The following CS variants were observed in gnomAD, a reference collection of about 807,000 sequenced individuals.
The protein encoded by CS is citrate synthase.
Under a neutral mutation model 61.4 loss-of-function variants are expected in CS, and 13 were observed. The ratio of observed to expected loss-of-function variants is 0.21; its 90% confidence interval spans 0.14 to 0.34. The LOEUF is 0.34. Among genes scored for constraint, CS ranks in the 10% least tolerant of loss-of-function variants. The pLI, the probability that CS is intolerant of heterozygous loss-of-function variation, is 1.00. For synonymous variants in CS, 159 were observed against 215.2 expected, an observed-to-expected ratio of 0.74 and a Z score of 2.29; for missense variants, 278 against 573.4, an observed-to-expected ratio of 0.48 and a Z score of 5.26.
rs1872817986 is a variant in CS, at chr12:56,282,923, T to C, written c.336A>G (p.Glu112=). 6.2e-7 allele frequency: 1 copy of C among 1,614,176 alleles called. No homozygotes were observed. Among genetic ancestry groups the C allele is most frequent in the Non-Finnish European group, 8.5e-7 (1 of 1,180,034 alleles). ...QKLLPKAKGG[E]EPLPEGLFWL... ...AAAATAAGCCCTCAGGCAGGGGTTC[T>C]TCCCCACCCTTAGCCTTGGGTAGCA... The change falls in exon 5 of 11, where the codon GAA becomes GAG. Residue 112 remains glutamate (E), a synonymous_variant. Coordinates refer to ENST00000351328, the MANE Select transcript of CS (RefSeq NM_004077.3).
intron 1 of CS, among the ~76,000 whole-genome samples, chr12:56,297,729 A>G (rs2135928118): frequency 6.6e-6 from 1 of 152,286 alleles, no homozygotes; most frequent in Non-Finnish European, 1.5e-5. Context: ...TTCTTCTCAG[A>G]AAAGTAAAAC....
At chr12:56,278,827 G>C (rs1308313863) in intron 6 of CS, among the ~76,000 whole-genome samples, 2 of 152,084 alleles carry the variant, frequency 1.3e-5, no homozygotes, top group Non-Finnish European at 2.9e-5. Flanking sequence ...AGGCTGGAGT[G>C]TAGTGGTGCT....
chr12:56,289,110 C>T (rs1873034378), intron 1 of CS, among the ~76,000 whole-genome samples: 1 of 152,184 alleles, frequency 6.6e-6, no homozygotes, highest in South Asian at 2.1e-4. Context: ...AGAGTCTCCT[C>T]TATCTTACTG....
At chr12:56,280,366 G>C (rs1395541746) in intron 6 of CS, among the ~76,000 whole-genome samples, 1 of 142,876 alleles carries the variant, frequency 7.0e-6, no homozygotes, top group Non-Finnish European at 1.5e-5. Context: ...AGTGAGCTGA[G>C]ATCGTGCCAT....
chr12:56,298,064 T>C (rs1592416008), intron 1 of CS, among the ~76,000 whole-genome samples: 1 of 151,766 alleles, frequency 6.6e-6, no homozygotes, highest in East Asian at 1.9e-4. Context: ...AATGGAGCGA[T>C]CTGGGCTCAC....
Position 56,300,272 on chromosome 12 carries a change from G to T in CS, c.-71C>A, listed in dbSNP as rs562141070. On this transcript the variant is annotated 5_prime_UTR_variant, in exon 1 of 11. Coordinates refer to ENST00000351328, the MANE Select transcript of CS (RefSeq NM_004077.3). ...AGCTGCGGCAGGAACAGGAGCCGCC[G>T]CCGCTGCACCAGAGGCCGCGCCGAC... 4.3e-4 allele frequency: 633 copies of T among 1,477,336 alleles called. 6 individuals carry two copies. In the African/African-American group the frequency reaches 8.5e-3, roughly 20 times the overall value. The allele number at this position is 1,477,336 out of a possible 1,614,324, so 91.5% of individuals were successfully genotyped here. A position where few individuals can be genotyped will look rare whatever the true frequency, so the allele number is the denominator to read the frequency against.
At chr12:56,273,929 G>T in intron 9 of CS, 133 bp from the exon 10 acceptor site, 1 of 725,126 alleles carries the variant, frequency 1.4e-6, no homozygotes, top group Non-Finnish European at 2.4e-6. Context: ...GACCTCCCAG[G>T]CTCAGGCAAT....
At chr12:56,295,758 T>A (rs1289579681) in intron 1 of CS, among the ~76,000 whole-genome samples, 1 of 150,412 alleles carries the variant, frequency 6.6e-6, no homozygotes, top group Admixed American at 6.6e-5. Flanking sequence ...ATCGAGACCA[T>A]CCTGGCTAAC....
chr12:56,292,720 TAAAAAAATACAAAA>T (rs1873164873), intron 1 of CS, among the ~76,000 whole-genome samples: 2 of 36,326 alleles, frequency 5.5e-5, no homozygotes, highest in Non-Finnish European at 1.1e-4. Flanking sequence ...CCATCTCTAC[TAAAAAAATACAAAA>T]AAAAAAAAAA....
chr12:56,298,783 T>A, intron 1 of CS: 1 of 522,050 alleles, frequency 1.9e-6, no homozygotes, highest in Non-Finnish European at 2.5e-6. Context: ...TTCACACCTG[T>A]AATCCCAGCA....
chr12:56,274,495 C>G (rs1416481495), intron 9 of CS: 1 of 284,966 alleles, frequency 3.5e-6, no homozygotes, highest in Non-Finnish European at 6.5e-6. Context: ...CTGTGTTGTC[C>G]TGGCTGGAGT....
At chr12:56,282,192 G>A (rs963369918) in intron 6 of CS, 11 of 403,918 alleles carry the variant, frequency 2.7e-5, no homozygotes, top group African/African-American at 1.0e-4. Context: ...TTTTCTGCAC[G>A]TGTGTCAGCC....
chr12:56,297,993 C>T (rs184186483), intron 1 of CS, among the ~76,000 whole-genome samples: 1 of 151,994 alleles, frequency 6.6e-6, no homozygotes, highest in African/African-American at 2.4e-5. Flanking sequence ...TTTGCTACCC[C>T]CCCCGCCCTT....
At chr12:56,292,730 CAAAAAAA>C (rs531365770) in intron 1 of CS, among the ~76,000 whole-genome samples, 38 of 56,880 alleles carry the variant, frequency 6.7e-4, no homozygotes, top group Admixed American at 1.5e-3. Flanking sequence ...TAAAAAAATA[CAAAAAAA>C]AAAAAAAAAA....
At chr12:56,297,444 T>G (rs756647769) in intron 1 of CS, among the ~76,000 whole-genome samples, 1 of 152,150 alleles carries the variant, frequency 6.6e-6, no homozygotes, top group South Asian at 2.1e-4. Flanking sequence ...ACAGTGAGAG[T>G]AGAACAATAG....
chr12:56,273,649 C>T lies in CS; in HGVS notation c.1168G>A (p.Glu390Lys), dbSNP rs1872564246. ...CAAGGATTCTTGGCTTTACCCTGCT[C>T]TAAGAGGACATTGGGCACAATCTTG... ...LYKIVPNVLL[E>K]QGKAKNPWPN... The change falls in exon 10 of 11, where the codon GAG becomes AAG. Residue 390 changes from glutamate to lysine, a missense_variant. Glu to Lys is a moderately conservative substitution (Grantham distance 56, BLOSUM62 1). Coordinates refer to ENST00000351328, the MANE Select transcript of CS (RefSeq NM_004077.3). 2.5e-6 allele frequency: 4 copies of T among 1,614,022 alleles called. No individual in the cohort carries two copies. The highest frequency in any genetic ancestry group is 3.4e-6 in the Non-Finnish European group (4 of 1,180,018).
intron 1 of CS, 64 bp downstream of exon 1, chr12:56,300,096 C>T: frequency 6.6e-7 from 1 of 1,506,242 alleles, no homozygotes; most frequent in Non-Finnish European, 9.0e-7. Context: ...ACCCCGGCGC[C>T]GGAGGGCCTG....
At chr12:56,286,670 A>T (rs1555163195) in intron 1 of CS, 25 bp from the exon 2 acceptor site, 1 of 1,608,290 alleles carries the variant, frequency 6.2e-7, no homozygotes, top group South Asian at 1.1e-5. Context: ...AGAGAACCTT[A>T]TGTAACTGTT....
In CS at chr12:56,274,812, G is replaced by A; in HGVS notation, c.985C>T (p.Arg329Ter). ...TTGAGTGTGTTCCAGATGTAGTCTC[G>A]TAACTTCTCATCTGACACATCTTTG... ...VGKDVSDEKL[R>*]DYIWNTLNSG... Residue 329 changes from arginine to a stop codon, truncating the protein, a stop_gained, in exon 9 of 11, where the codon CGA becomes TGA. Coordinates refer to ENST00000351328, the MANE Select transcript of CS (RefSeq NM_004077.3). LOFTEE classifies it high-confidence loss of function. The A allele has an allele frequency of 6.2e-7, 1 of 1,610,410 alleles. No individual in the cohort carries two copies. Among genetic ancestry groups the A allele is most frequent in the East Asian group, 2.2e-5 (1 of 44,856 alleles).
Sources: allele counts gnomAD v4.1 joint callset (sites outside exome capture counted in the v4.1 genomes callset), GRCh38; gene constraint gnomAD v4.1.1; transcripts MANE v1.5; gene names NCBI Gene and HGNC (gene_info 2026-07-23, HGNC 2026-07-21).